The following NUP88 variants were observed in gnomAD, a reference collection of about 807,000 sequenced individuals.
NUP88 encodes nucleoporin 88, also known as nuclear pore complex protein Nup88.
Under a neutral mutation model 93.9 loss-of-function variants are expected in NUP88, and 57 were observed. That is an observed-to-expected ratio of 0.61 (90% CI 0.49 to 0.76). The LOEUF (loss-of-function observed/expected upper bound fraction) is 0.76. Ranked by LOEUF, NUP88 falls within the 30% of genes least tolerant of loss-of-function variation. NUP88 has a pLI of 0.00. For synonymous variants in NUP88, 346 were observed against 336.8 expected (o/e 1.03, Z -0.30); for missense variants, 911 against 901.0 (o/e 1.01, Z -0.14).
chr17:5,405,566 C>T lies in NUP88; in HGVS notation c.858-323G>A, dbSNP rs140903615. Among the ~76,000 whole-genome samples the T allele has an allele frequency of 3.0e-3, 458 of 152,300 alleles. 2 individuals carry two copies. The highest frequency in any genetic ancestry group is 0.02 in the Middle Eastern group (6 of 294). On this transcript the variant is annotated intron_variant, in intron 5 of 16. Coordinates refer to ENST00000573584, the MANE Select transcript of NUP88 (RefSeq NM_002532.6). ...AGCCGCTAAACATTCCCGCACAGCA[C>T]AGCACCTCTAAAACAAACAATAATT...
chr17:5,418,516 TG>T lies in NUP88; in HGVS notation c.297+837del, dbSNP rs1914342760. 3.9e-5 allele frequency among the ~76,000 whole-genome samples: 6 copies of T among 152,186 alleles called. No homozygotes were observed. The South Asian group carries it at 1.2e-3, about 31-fold the overall frequency. On this transcript the variant is annotated intron_variant, in intron 1 of 16. Transcript: ENST00000573584. The stretch of plus-strand genomic sequence containing the variant: ...TGATCCACCTGCCTCTGCCTCCCAG[TG>T]TTGGGACTGCAGGCGTGAGCCACCG...
At chr17:5,409,056 A>G in intron 4 of NUP88, 147 bp from the exon 5 acceptor site, 1 of 633,974 alleles carries the variant, frequency 1.6e-6, no homozygotes, top group Non-Finnish European at 2.6e-6. Flanking sequence ...AAAGACAAAA[A>G]ATGATTATGA....
chr17:5,404,352 C>G, intron 6 of NUP88, 106 bp from the exon 7 acceptor site: 1 of 1,143,708 alleles, frequency 8.7e-7, no homozygotes, highest in African/African-American at 1.5e-5. Flanking sequence ...GCTGTTCTTG[C>G]CTGTAATCCC....
In NUP88 at chr17:5,387,657, A is replaced by G. The variant is rs1912112153; in HGVS notation, c.1783T>C (p.Cys595Arg). 6 of 1,612,956 alleles carry G rather than the reference A, an allele frequency of 3.7e-6. 1 individual carries two copies. In the South Asian group the frequency reaches 4.4e-5, roughly 12 times the overall value. The change falls in exon 13 of 17, where the codon TGT becomes CGT. Residue 595 changes from cysteine to arginine, a missense_variant. By Grantham distance (180) the Cys-to-Arg change is radical (BLOSUM62 -3). Transcript: ENST00000573584. ...TCTAGTTGTTTCTTTTTTTGGTCAC[A>G]TAATAATTTGACCCTTTAAAAACAA... is the stretch of plus-strand genomic sequence containing the variant. ...EEIQRRVKLL[C>R]DQKKKQLEDL...
intron 10 of NUP88, among the ~76,000 whole-genome samples, chr17:5,389,888 T>C (rs60379759): frequency 0.44 from 65,999 of 149,718 alleles, 15,148 homozygotes; most frequent in East Asian, 0.84. Context: ...ATAATTGGCC[T>C]GGCACGGTGG....
At chr17:5,392,151 G>T (rs1912481964) in intron 9 of NUP88, among the ~76,000 whole-genome samples, 1 of 152,172 alleles carries the variant, frequency 6.6e-6, no homozygotes, top group African/African-American at 2.4e-5. Flanking sequence ...CCTCAGATGG[G>T]AACTGTCATT....
intron 8 of NUP88, 62 bp from the exon 9 acceptor site, chr17:5,395,043 T>C: frequency 9.8e-7 from 1 of 1,020,510 alleles, no homozygotes; most frequent in Non-Finnish European, 1.6e-6. Flanking sequence ...ATTAAAATGC[T>C]AATGATATTG....
At chr17:5,403,456 A>AAC (rs1472553555) in intron 7 of NUP88, among the ~76,000 whole-genome samples, 1 of 152,144 alleles carries the variant, frequency 6.6e-6, no homozygotes, top group Non-Finnish European at 1.5e-5. Flanking sequence ...CAGCCTGGGC[A>AAC]ACAGAGCGAG....
intron 5 of NUP88, among the ~76,000 whole-genome samples, chr17:5,407,656 A>G (rs1033956559): frequency 2.6e-5 from 4 of 152,120 alleles, no homozygotes; most frequent in African/African-American, 9.7e-5. Flanking sequence ...CCAACTGTCC[A>G]TGGAATATTT....
intron 3 of NUP88, among the ~76,000 whole-genome samples, chr17:5,413,487 G>A (rs966704549): frequency 2.0e-5 from 3 of 152,200 alleles, no homozygotes; most frequent in Non-Finnish European, 4.4e-5. Context: ...GGCCGATCCA[G>A]AAAGTTAGCT....
Position 5,387,810 on chromosome 17 carries a change from G to A in NUP88, c.1738C>T (p.Gln580Ter). 1 of 1,613,104 alleles carries A rather than the reference G, an allele frequency of 6.2e-7. No homozygotes were observed. The highest frequency in any genetic ancestry group is 8.5e-7 in the Non-Finnish European group (1 of 1,179,790). The stretch of plus-strand genomic sequence containing the variant: ...TGAATCTCCTCCTTTGCCAAGTCCT[G>A]TTTGAGAATGTACTGCTCTCTGAAC... Reference protein sequence around the residue: ...QVFREQYILKQDLAKEEIQRR... With the variant: ...QVFREQYILK Residue 580 changes from glutamine (Q) to a stop codon, truncating the protein, a stop_gained, in exon 12 of 17, where the codon CAG becomes TAG. Coordinates refer to ENST00000573584, the MANE Select transcript of NUP88 (RefSeq NM_002532.6). LOFTEE classifies it high-confidence loss of function.
rs149934888 is a variant in NUP88, at chr17:5,402,986, TCACACACA to T, written c.1192+1105_1192+1112del. ...GCCTAGATGACACAGTGAGATCATA[TCACACACA>T]CACACACAAAAGCCAAATGGTATTC... On this transcript the variant is annotated intron_variant, in intron 7 of 16. Coordinates refer to ENST00000573584, the MANE Select transcript of NUP88 (RefSeq NM_002532.6). 1.8e-4 allele frequency among the ~76,000 whole-genome samples: 27 copies of T among 151,688 alleles called. 1 individual carries two copies. Among genetic ancestry groups the T allele is most frequent in the Non-Finnish European group, 1.6e-4 (11 of 67,846 alleles).
chr17:5,419,494 G>C lies in NUP88; in HGVS notation c.157C>G (p.Pro53Ala), dbSNP rs748562539. 8 of 1,614,000 alleles carry C rather than the reference G, an allele frequency of 5.0e-6. No individual in the cohort carries two copies. The highest frequency in any genetic ancestry group is 6.8e-6 in the Non-Finnish European group (8 of 1,179,968). ...ACCACGTTTCTCGTCAGCAACTGCGGCGGCGGCGACGAAGGCAACGACGAA... is the reference window on the plus strand; with the variant it reads ...ACCACGTTTCTCGTCAGCAACTGCGCCGGCGGCGACGAAGGCAACGACGAA... ...ASSSLPSSPP[P>A]QLLTRNVVFG... Residue 53 changes from proline (P) to alanine (A), a missense_variant, in exon 1 of 17, where the codon CCG (proline) becomes GCG (alanine). Transcript: ENST00000573584.
chr17:5,416,144 CAAAAAAAAAAAA>C, intron 2 of NUP88, among the ~76,000 whole-genome samples: 1 of 72,656 alleles, frequency 1.4e-5, no homozygotes, highest in Admixed American at 1.7e-4. Flanking sequence ...GACTCCATCT[CAAAAAAAAAAAA>C]AAAAAAAAAA....
chr17:5,400,968 ACCT>A (rs1212275121), intron 7 of NUP88, among the ~76,000 whole-genome samples: 35 of 152,266 alleles, frequency 2.3e-4, no homozygotes, highest in African/African-American at 8.4e-4. Context: ...AAATTTCTGT[ACCT>A]CCTTTGAGCC....
intron 9 of NUP88, among the ~76,000 whole-genome samples, chr17:5,393,198 G>A (rs541350519): frequency 5.3e-5 from 8 of 151,040 alleles, no homozygotes; most frequent in Non-Finnish European, 1.0e-4. Context: ...CTAGTAATTC[G>A]CCTGCCTCAG....
chr17:5,400,794 G>A (rs1913113988), intron 7 of NUP88, among the ~76,000 whole-genome samples: 1 of 152,130 alleles, frequency 6.6e-6, no homozygotes, highest in African/African-American at 2.4e-5. Context: ...AGTGTAGTAA[G>A]GTGTGAAATG....
At chr17:5,412,129 A>G (rs1275461725) in intron 3 of NUP88, among the ~76,000 whole-genome samples, 1 of 152,232 alleles carries the variant, frequency 6.6e-6, no homozygotes, top group East Asian at 1.9e-4. Flanking sequence ...ATTTGGGGCC[A>G]GATACTTCCT....
At chr17:5,400,497 A>AG (rs1913089516) in intron 7 of NUP88, among the ~76,000 whole-genome samples, 1 of 115,068 alleles carries the variant, frequency 8.7e-6, no homozygotes, top group Non-Finnish European at 1.8e-5. Flanking sequence ...CCGTCTCAAA[A>AG]AAAAAAAAAA....
Sources: allele counts gnomAD v4.1 joint callset (sites outside exome capture counted in the v4.1 genomes callset), GRCh38; gene constraint gnomAD v4.1.1; transcripts MANE v1.5; gene names NCBI Gene and HGNC (gene_info 2026-07-23, HGNC 2026-07-21).